The following FAM204A variants were observed in gnomAD, a reference collection of about 807,000 sequenced individuals.
The protein encoded by FAM204A is family with sequence similarity 204 member A.
Under a neutral mutation model 35.4 loss-of-function variants are expected in FAM204A, and 16 were observed. The ratio of observed to expected loss-of-function variants is 0.45; its 90% CI spans 0.31 to 0.69. The LOEUF (loss-of-function observed/expected upper bound fraction) is 0.69, where lower values mean the gene tolerates loss of function less well. FAM204A is among the 30% of genes least tolerant of loss of function. The pLI is 0.07. For synonymous variants in FAM204A, 76 were observed against 86.9 expected (o/e 0.88, Z 0.70); for missense variants, 240 against 265.7 (o/e 0.90, Z 0.67).
At chr10:118,340,895 C>T (rs1846467689) in intron 2 of FAM204A, among the ~76,000 whole-genome samples, 1 of 144,190 alleles carries the variant, frequency 6.9e-6, no homozygotes, top group Admixed American at 6.9e-5. Context: ...ATTTGTTTTA[C>T]AAAAATAGCC....
intron 7 of FAM204A, among the ~76,000 whole-genome samples, chr10:118,316,984 T>G (rs1846041980): frequency 6.6e-6 from 1 of 152,074 alleles, no homozygotes; most frequent in South Asian, 2.1e-4. Flanking sequence ...CCATAAGCTG[T>G]TAGATGCTTT....
chr10:118,313,487 A>T (rs1420650105), intron 7 of FAM204A, among the ~76,000 whole-genome samples: 1 of 152,210 alleles, frequency 6.6e-6, no homozygotes, highest in Non-Finnish European at 1.5e-5. Context: ...GAGGTACAGC[A>T]GGCTATGAAG....
In FAM204A at chr10:118,308,336, C is replaced by T. The variant is rs947107963; in HGVS notation, c.*2521G>A. 2 of 152,124 alleles carry T rather than the reference C, an allele frequency of 1.3e-5. No homozygotes were observed. Among genetic ancestry groups the T allele is most frequent in the African/African-American group, 4.8e-5 (2 of 41,426 alleles). 9.4% of individuals were successfully genotyped at this position (152,124 alleles called of 1,614,324 possible). ...TTTAGGAACCAAAGTTATTACTGAT[C>T]CAAAAAGAATCCTTATTTTGCTGTG... is the stretch of plus-strand genomic sequence containing the variant. On this transcript the variant is annotated 3_prime_UTR_variant, in exon 9 of 9. Coordinates refer to ENST00000369183, the MANE Select transcript of FAM204A (RefSeq NM_022063.3).
At position 118,298,985 on chromosome 10, in the gene FAM204A, T is replaced by C. The variant is rs1476742413; in HGVS notation, c.*11872A>G. ...TGCCTAGCAACCACTAGACATTGTT[T>C]TGCTGCTTCACTCTAGAGAAGCCAA... On this transcript the variant is annotated 3_prime_UTR_variant, in exon 9 of 9. Coordinates refer to ENST00000369183, the MANE Select transcript of FAM204A (RefSeq NM_022063.3). The C allele has an allele frequency of 6.6e-6, 1 of 152,210 alleles. No individual in the cohort carries two copies. The highest frequency in any genetic ancestry group is 1.5e-5 in the Non-Finnish European group (1 of 68,034). 9.4% of individuals were successfully genotyped at this position (152,210 alleles called of 1,614,324 possible).
chr10:118,329,028 C>A (rs1400914861), intron 6 of FAM204A, among the ~76,000 whole-genome samples: 1 of 152,202 alleles, frequency 6.6e-6, no homozygotes, highest in Non-Finnish European at 1.5e-5. Context: ...ATCATCTTCA[C>A]ACTGAAGGCC....
Position 118,309,934 on chromosome 10 carries a change from C to T in FAM204A, c.*923G>A, listed in dbSNP as rs1479607694. 2 of 152,096 alleles carry T rather than the reference C, an allele frequency of 1.3e-5. No individual in the cohort carries two copies. The highest frequency in any genetic ancestry group is 2.9e-5 in the Non-Finnish European group (2 of 68,028). 9.4% of individuals were successfully genotyped at this position (152,096 alleles called of 1,614,324 possible). A position where few individuals can be genotyped will look rare whatever the true frequency, so the allele number is the denominator to read the frequency against. On this transcript the variant is annotated 3_prime_UTR_variant, in exon 9 of 9. Transcript: ENST00000369183. ...TCCAAATACTACATTCTGCTCCTTT[C>T]TTTATTGTAATAGTTTATCTGAAAG...
At chr10:118,331,740 A>G (rs1048725393) in intron 6 of FAM204A, among the ~76,000 whole-genome samples, 3 of 151,906 alleles carry the variant, frequency 2.0e-5, no homozygotes, top group African/African-American at 7.3e-5. Flanking sequence ...AATATCTAGG[A>G]AAAAATGAGG....
At chr10:118,335,909 G>C in intron 3 of FAM204A, 1 of 530,362 alleles carries the variant, frequency 1.9e-6, no homozygotes, top group East Asian at 3.2e-5. Context: ...AATAAAGACA[G>C]AAACTACTCA....
rs532769061 is a variant in FAM204A, at chr10:118,333,801, C to T, written c.453+1313G>A. ...ATGAATATAAATTACATGCAAAATT[C>T]TGTTTTGACAGTTCCTTAATGTATG... is the stretch of plus-strand genomic sequence containing the variant. On this transcript the variant is annotated intron_variant, in intron 6 of 8. Coordinates refer to ENST00000369183, the MANE Select transcript of FAM204A (RefSeq NM_022063.3). Among the ~76,000 whole-genome samples the T allele has an allele frequency of 6.6e-5, 10 of 152,260 alleles. No individual in the cohort carries two copies. The South Asian group carries it at 2.1e-3, about 32-fold the overall frequency.
At chr10:118,326,077 T>C (rs2133281108) in intron 7 of FAM204A, 77 bp downstream of exon 7, 3 of 1,120,078 alleles carry the variant, frequency 2.7e-6, no homozygotes, top group East Asian at 2.4e-5. Context: ...ACTGAACTTA[T>C]TAATGATCAT....
At chr10:118,312,292 A>G (rs549314479) in intron 7 of FAM204A, among the ~76,000 whole-genome samples, 84 of 152,334 alleles carry the variant, frequency 5.5e-4, no homozygotes, top group Admixed American at 4.3e-3. Flanking sequence ...CCTGATGCAT[A>G]TTAGTAGACA....
Sources: gnomAD v4.1 joint callset for allele counts (sites outside exome capture counted in the v4.1 genomes callset) on GRCh38, gnomAD v4.1.1 for gene constraint, MANE v1.5 for transcripts, NCBI Gene and HGNC (gene_info 2026-07-23, HGNC 2026-07-21) for gene names.